The following CDK5RAP2 variants were observed in gnomAD, a reference collection of about 807,000 sequenced individuals.
The protein encoded by CDK5RAP2 is CDK5 regulatory subunit-associated protein 2.
CDK5RAP2 carries 147 observed loss-of-function variants against 232.9 expected under a neutral mutation model. That is an observed-to-expected ratio of 0.63 (90% CI 0.55 to 0.72). CDK5RAP2 has a LOEUF of 0.72. Ranked by LOEUF, CDK5RAP2 falls within the 30% of genes least tolerant of loss-of-function variation. The probability of loss-of-function intolerance (pLI) is 0.00; values close to 1 mark genes in which losing one functional copy is unlikely to be tolerated. For missense variants in CDK5RAP2, 2,195 were observed against 2,231.5 expected (o/e 0.98, Z 0.33); for synonymous variants, 833 against 833.7 (o/e 1.00, Z 0.01).
intron 20 of CDK5RAP2, among the ~76,000 whole-genome samples, chr9:120,455,378 A>G (rs980542341): frequency 6.6e-5 from 10 of 151,802 alleles, no homozygotes; most frequent in Non-Finnish European, 1.3e-4. Flanking sequence ...GTTAAAAAAA[A>G]AAAAAAAAAA....
At chr9:120,440,899 C>G (rs147986587) in intron 23 of CDK5RAP2, among the ~76,000 whole-genome samples, 239 of 152,318 alleles carry the variant, frequency 1.6e-3, no homozygotes, top group Admixed American at 2.9e-3. Flanking sequence ...AGGAGATGCC[C>G]TGACATCCCC....
intron 11 of CDK5RAP2, among the ~76,000 whole-genome samples, chr9:120,520,335 T>C (rs1049150798): frequency 1.3e-4 from 20 of 152,024 alleles, no homozygotes; most frequent in Non-Finnish European, 2.9e-5. Flanking sequence ...CATATGGTCA[T>C]TGTGAAGATT....
At chr9:120,579,801 C>A in intron 1 of CDK5RAP2, 119 bp downstream of exon 1, 1 of 805,454 alleles carries the variant, frequency 1.2e-6, no homozygotes, top group South Asian at 1.5e-5. Context: ...AGGAACCCAC[C>A]CCACACACTG....
intron 10 of CDK5RAP2, among the ~76,000 whole-genome samples, chr9:120,525,933 G>A (rs1298855043): frequency 6.6e-6 from 1 of 152,176 alleles, no homozygotes; most frequent in Non-Finnish European, 1.5e-5. Context: ...ACTATCACTA[G>A]GAGGCAAATC....
At chr9:120,481,507 T>TC (rs2038306981) in intron 14 of CDK5RAP2, among the ~76,000 whole-genome samples, 2 of 149,924 alleles carry the variant, frequency 1.3e-5, no homozygotes, top group African/African-American at 5.0e-5. Context: ...GTTTTCTTTT[T>TC]TTTTTTTTTC....
At chr9:120,405,626 C>T (rs897569817) in intron 32 of CDK5RAP2, among the ~76,000 whole-genome samples, 3 of 152,224 alleles carry the variant, frequency 2.0e-5, no homozygotes, top group African/African-American at 7.2e-5. Context: ...TACCTTTGTA[C>T]ACTGCTGATG....
At chr9:120,552,455 A>G (rs2042077711) in intron 3 of CDK5RAP2, among the ~76,000 whole-genome samples, 1 of 152,190 alleles carries the variant, frequency 6.6e-6, no homozygotes, top group Non-Finnish European at 1.5e-5. Flanking sequence ...AATGTCCAAC[A>G]ACGATAGACT....
intron 12 of CDK5RAP2, among the ~76,000 whole-genome samples, chr9:120,510,021 A>G (rs75457622): frequency 5.9e-4 from 90 of 152,302 alleles, no homozygotes; most frequent in African/African-American, 1.5e-3. Context: ...AGTAAAAAAT[A>G]TAGTACCTCA....
At chr9:120,549,359 T>A (rs1446408417) in intron 4 of CDK5RAP2, among the ~76,000 whole-genome samples, 2 of 152,060 alleles carry the variant, frequency 1.3e-5, no homozygotes, top group Admixed American at 6.6e-5. Context: ...GACACAAGGG[T>A]GGAAGAGTGT....
At chr9:120,436,375 G>A (rs951914931) in intron 25 of CDK5RAP2, among the ~76,000 whole-genome samples, 1 of 152,206 alleles carries the variant, frequency 6.6e-6, no homozygotes, top group Admixed American at 6.5e-5. Context: ...TAAAGGAGAC[G>A]AGAGACACAT....
At chr9:120,484,942 T>A (rs944047598) in intron 14 of CDK5RAP2, among the ~76,000 whole-genome samples, 1 of 151,918 alleles carries the variant, frequency 6.6e-6, no homozygotes, top group Non-Finnish European at 1.5e-5. Flanking sequence ...CAGACTGGTC[T>A]CCAACTCCTG....
intron 20 of CDK5RAP2, among the ~76,000 whole-genome samples, chr9:120,455,407 G>GC (rs2036711327): frequency 6.6e-6 from 1 of 151,182 alleles, no homozygotes; most frequent in Non-Finnish European, 1.5e-5. Flanking sequence ...CCACTGAAAG[G>GC]CCCTGCGATG....
intron 2 of CDK5RAP2, among the ~76,000 whole-genome samples, chr9:120,568,880 C>A (rs1205402501): frequency 1.3e-5 from 2 of 152,162 alleles, no homozygotes; most frequent in Non-Finnish European, 2.9e-5. Flanking sequence ...AAAACAGCCA[C>A]AAACAATCCA....
At chr9:120,474,052 G>C (rs2037869177) in intron 15 of CDK5RAP2, among the ~76,000 whole-genome samples, 1 of 152,172 alleles carries the variant, frequency 6.6e-6, no homozygotes, top group African/African-American at 2.4e-5. Context: ...GCTCAAAATA[G>C]CACGCCACCA....
intron 25 of CDK5RAP2, among the ~76,000 whole-genome samples, chr9:120,427,294 A>T (rs1279250117): frequency 6.6e-6 from 1 of 152,210 alleles, no homozygotes; most frequent in Non-Finnish European, 1.5e-5. Context: ...GTTTTAAGAA[A>T]GTTTACAAAT....
At chr9:120,467,504 T>C (rs561963445) in intron 18 of CDK5RAP2, among the ~76,000 whole-genome samples, 1 of 152,138 alleles carries the variant, frequency 6.6e-6, no homozygotes, top group Non-Finnish European at 1.5e-5. Context: ...GTTAGAGACC[T>C]CCCCAGGAAC....
chr9:120,457,314 A>G (rs1230261919), intron 20 of CDK5RAP2, among the ~76,000 whole-genome samples: 1 of 152,168 alleles, frequency 6.6e-6, no homozygotes, highest in Non-Finnish European at 1.5e-5. Flanking sequence ...CTCCTACCAC[A>G]GCCCACTGCA....
At position 120,397,138 on chromosome 9, in the gene CDK5RAP2, G is replaced by A. The variant is rs554224121; in HGVS notation, c.5452-2500C>T. 5.5e-4 allele frequency among the ~76,000 whole-genome samples: 84 copies of A among 152,304 alleles called. 2 individuals are homozygous for A. In the South Asian group the frequency reaches 0.013, roughly 23 times the overall value. On this transcript the variant is annotated intron_variant, in intron 35 of 37. Transcript: ENST00000349780. ...CTCCCAGGAGGCCTCAGGCTTCCTC[G>A]TCAGTGTTCTGCCTGACTTCGGGGA...
At chr9:120,517,024 A>T (rs1432934962) in intron 12 of CDK5RAP2, among the ~76,000 whole-genome samples, 1 of 152,212 alleles carries the variant, frequency 6.6e-6, no homozygotes, top group Non-Finnish European at 1.5e-5. Flanking sequence ...GTGAAAGGGT[A>T]TGCATCATAA....
Sources: allele counts gnomAD v4.1 joint callset (sites outside exome capture counted in the v4.1 genomes callset), GRCh38; gene constraint gnomAD v4.1.1; transcripts MANE v1.5; gene names NCBI Gene and HGNC (gene_info 2026-07-23, HGNC 2026-07-21).